Variants in TM4SF4 observed in about 807,000 individuals in gnomAD.
TM4SF4 encodes transmembrane 4 L six family member 4.
Under a neutral mutation model 24.1 loss-of-function variants are expected in TM4SF4, and 24 were observed. That is an observed-to-expected ratio of 1.00 (90% CI 0.72 to 1.40). The LOEUF (loss-of-function observed/expected upper bound fraction) is 1.40. Ranked by LOEUF, TM4SF4 falls within the 40% of genes most tolerant of loss-of-function variation. The pLI, the probability that TM4SF4 is intolerant of heterozygous loss-of-function variation, is 0.00. For synonymous variants in TM4SF4, 113 were observed against 97.0 expected, an observed-to-expected ratio of 1.17 and a Z score of -0.97; for missense variants, 254 against 254.2, an observed-to-expected ratio of 1.00 and a Z score of 0.01.
intron 3 of TM4SF4, among the ~76,000 whole-genome samples, chr3:149,488,578 A>G (rs1734160212): frequency 6.6e-6 from 1 of 152,232 alleles, no homozygotes; most frequent in Non-Finnish European, 1.5e-5. Context: ...ATTCATTTAT[A>G]GAAATAAAGT....
At chr3:149,481,214 C>A (rs1274439514) in intron 2 of TM4SF4, among the ~76,000 whole-genome samples, 1 of 152,122 alleles carries the variant, frequency 6.6e-6, no homozygotes. Context: ...TGGATCCTGG[C>A]AGTTACTGTC....
intron 4 of TM4SF4, among the ~76,000 whole-genome samples, chr3:149,500,768 A>C (rs549094378): frequency 6.6e-6 from 1 of 152,316 alleles, no homozygotes; most frequent in African/African-American, 2.4e-5. Context: ...GCACTTTGGG[A>C]GGCCAAGGCA....
chr3:149,475,104 TC>T, intron 1 of TM4SF4, 53 bp downstream of exon 1: 1 of 1,550,356 alleles, frequency 6.5e-7, no homozygotes. Flanking sequence ...TTCCCCACAA[TC>T]CTTTTTAAAT....
chr3:149,476,020 G>T, intron 2 of TM4SF4, 108 bp downstream of exon 2: 1 of 897,386 alleles, frequency 1.1e-6, no homozygotes, highest in Non-Finnish European at 1.8e-6. Flanking sequence ...CCAGGACTCT[G>T]GGAGCAGCTG....
intron 4 of TM4SF4, among the ~76,000 whole-genome samples, chr3:149,500,386 G>A (rs1275321005): frequency 6.6e-6 from 1 of 151,724 alleles, no homozygotes; most frequent in Non-Finnish European, 1.5e-5. Context: ...TTTTTTCAAT[G>A]AAAAATATAA....
intron 2 of TM4SF4, 46 bp downstream of exon 2, chr3:149,475,958 C>A: frequency 6.5e-7 from 1 of 1,532,484 alleles, no homozygotes; most frequent in South Asian, 1.2e-5. Flanking sequence ...CCAGGGTGCT[C>A]TGTGCTTTTG....
chr3:149,490,138 C>G (rs1444654534), intron 3 of TM4SF4, among the ~76,000 whole-genome samples: 1 of 152,202 alleles, frequency 6.6e-6, no homozygotes, highest in Middle Eastern at 3.2e-3. Flanking sequence ...ATAAAATATG[C>G]CATGATGGTT....
Position 149,476,027 on chromosome 3 carries a change from G to C in TM4SF4, c.264+115G>C, listed in dbSNP as rs1049553395. The C allele has an allele frequency of 8.4e-6, 7 of 831,024 alleles. No individual in the cohort carries two copies. The African/African-American group carries it at 1.2e-4, about 14-fold the overall frequency. 51.5% of individuals were successfully genotyped at this position (831,024 alleles called of 1,614,324 possible). A position where few individuals can be genotyped will look rare whatever the true frequency, so the allele number is the denominator to read the frequency against. ...AGCTCCAGCCAGGACTCTGGGAGCA[G>C]CTGGTGAAGGGATAAAACTGTGATT... On this transcript the variant is annotated intron_variant, in intron 2 of 4. Coordinates refer to ENST00000305354, the MANE Select transcript of TM4SF4 (RefSeq NM_004617.4).
intron 2 of TM4SF4, among the ~76,000 whole-genome samples, chr3:149,480,841 A>G (rs1303445035): frequency 6.6e-6 from 1 of 151,582 alleles, no homozygotes; most frequent in East Asian, 1.9e-4. Flanking sequence ...CTACTTCTAC[A>G]TATTTTATTT....
Position 149,487,651 on chromosome 3 carries a change from A to G in TM4SF4, c.297A>G (p.Gly99=). 6.2e-7 allele frequency: 1 copy of G among 1,613,862 alleles called. No homozygotes were observed. The highest frequency in any genetic ancestry group is 8.5e-7 in the Non-Finnish European group (1 of 1,179,864). The stretch of plus-strand genomic sequence containing the variant: ...CCTCCACGATATTTGCTGTGGTTGG[A>G]TTCTTGGGAGCTGGATACTCGTTTA... The part of the protein sequence containing the change: ...MFTSTIFAVV[G]FLGAGYSFII... The change falls in exon 3 of 5, where the codon GGA becomes GGG. Residue 99 remains glycine (G), a synonymous_variant. Coordinates refer to ENST00000305354, the MANE Select transcript of TM4SF4 (RefSeq NM_004617.4).
intron 3 of TM4SF4, among the ~76,000 whole-genome samples, chr3:149,497,574 A>G (rs924442568): frequency 1.3e-5 from 2 of 152,194 alleles, no homozygotes; most frequent in Admixed American, 6.5e-5. Flanking sequence ...ATATTCCACA[A>G]GATTTTACCA....
At chr3:149,477,386 A>G (rs1188457037) in intron 2 of TM4SF4, among the ~76,000 whole-genome samples, 2 of 152,252 alleles carry the variant, frequency 1.3e-5, no homozygotes, top group Non-Finnish European at 2.9e-5. Context: ...GTAATCTCCC[A>G]TGGTTCACAT....
chr3:149,487,380 A>G (rs1017255395), intron 2 of TM4SF4, among the ~76,000 whole-genome samples: 1 of 152,216 alleles, frequency 6.6e-6, no homozygotes, highest in Non-Finnish European at 1.5e-5. Context: ...AAGGTAACAG[A>G]ACCAACACCT....
intron 2 of TM4SF4, among the ~76,000 whole-genome samples, chr3:149,485,414 A>G (rs1734098379): frequency 6.6e-6 from 1 of 152,202 alleles, no homozygotes; most frequent in African/African-American, 2.4e-5. Context: ...GGATTTAGAT[A>G]CCCTAAACAT....
intron 2 of TM4SF4, among the ~76,000 whole-genome samples, chr3:149,482,469 T>C (rs1734050098): frequency 6.6e-6 from 1 of 152,212 alleles, no homozygotes; most frequent in African/African-American, 2.4e-5. Flanking sequence ...ATCCCAGGAC[T>C]TTTGCCTATT....
chr3:149,501,673 T>A (rs35815132), intron 4 of TM4SF4, among the ~76,000 whole-genome samples: 2 of 152,054 alleles, frequency 1.3e-5, no homozygotes, highest in South Asian at 2.1e-4. Flanking sequence ...GAGGAAAGAC[T>A]TGGGCTCTCA....
At position 149,474,891 on chromosome 3, in the gene TM4SF4, G is replaced by A. The variant is rs191665412; in HGVS notation, c.14G>A (p.Gly5Asp). 7.7e-4 allele frequency: 1,243 copies of A among 1,613,666 alleles called. No individual in the cohort carries two copies. The highest frequency in any genetic ancestry group is 2.9e-3 in the East Asian group (129 of 44,886). MCTG[G>D]CARCLGGTLI... is the part of the protein sequence containing the mutation. ...TACCACCCCAGAATGTGCACTGGGG[G>A]CTGTGCCAGATGCCTGGGGGGGACC... Residue 5 changes from glycine to aspartate, a missense_variant, in exon 1 of 5, where the codon GGC becomes GAC. Gly to Asp is a moderately conservative substitution (Grantham distance 94). Transcript: ENST00000305354.
chr3:149,484,504 C>G (rs1179909624), intron 2 of TM4SF4, among the ~76,000 whole-genome samples: 2 of 151,926 alleles, frequency 1.3e-5, no homozygotes, highest in Non-Finnish European at 2.9e-5. Context: ...CTGCCTCAGC[C>G]TCTTGAGTAA....
chr3:149,480,894 T>C (rs4482615), intron 2 of TM4SF4, among the ~76,000 whole-genome samples: 54,745 of 151,784 alleles, frequency 0.36, 10,309 homozygotes, highest in Non-Finnish European at 0.42. Flanking sequence ...CTTGCACTGT[T>C]GCCCGGGCTG....
Sources: allele counts gnomAD v4.1 joint callset (sites outside exome capture counted in the v4.1 genomes callset), GRCh38; gene constraint gnomAD v4.1.1; transcripts MANE v1.5; gene names NCBI Gene and HGNC (gene_info 2026-07-23, HGNC 2026-07-21).